The following CEP164 variants were observed in gnomAD, a reference collection of about 807,000 sequenced individuals.
The protein encoded by CEP164 is centrosomal protein of 164 kDa.
Under a neutral mutation model 182.7 loss-of-function variants are expected in CEP164, and 162 were observed. The ratio of observed to expected loss-of-function variants is 0.89; its 90% confidence interval spans 0.78 to 1.01. CEP164 has a LOEUF of 1.01. CEP164 is among the 50% of genes least tolerant of loss of function. CEP164 has a pLI of 0.00. For missense variants in CEP164, 1,735 were observed against 1,790.4 expected (o/e 0.97, Z 0.56); for synonymous variants, 661 against 690.0 (o/e 0.96, Z 0.66).
rs1444453508 is a variant in CEP164 at position 117,394,384 on chromosome 11, T to G, written c.2651T>G (p.Leu884Arg). ...RKQRAELLGH[L>R]TGELERLQRA... ...CAGCGGGCTGAGCTTCTGGGGCACCTGACCGGAGAGCTGGAGCGCCTGCAG... is the reference window on the plus strand; with the variant it reads ...CAGCGGGCTGAGCTTCTGGGGCACCGGACCGGAGAGCTGGAGCGCCTGCAG... The change falls in exon 21 of 33, where the codon CTG (leucine) becomes CGG (arginine). Residue 884 changes from leucine to arginine, a missense_variant. Coordinates refer to ENST00000278935, the MANE Select transcript of CEP164 (RefSeq NM_014956.5). This position sits in a 1 kb window ranked among gnomAD's most constrained non-coding sequence, Gnocchi z 4.0. The G allele has an allele frequency of 3.1e-6, 5 of 1,609,930 alleles. No homozygotes were observed. Among genetic ancestry groups the G allele is most frequent in the African/African-American group, 1.3e-5 (1 of 74,908 alleles).
intron 5 of CEP164, chr11:117,355,651 C>A: frequency 1.7e-6 from 2 of 1,191,748 alleles, no homozygotes; most frequent in Non-Finnish European, 2.1e-6. Context: ...AAGACCTGAG[C>A]TGGCAGGGAG....
chr11:117,412,160 C>A lies in CEP164; in HGVS notation c.4375C>A (p.Arg1459Ser). 6.2e-7 allele frequency: 1 copy of A among 1,614,002 alleles called. No individual in the cohort carries two copies. Among genetic ancestry groups the A allele is most frequent in the South Asian group, 1.1e-5 (1 of 91,052 alleles). Residue 1459 changes from arginine to serine, a missense_variant, in exon 33 of 33, where the codon CGC becomes AGC. Arg to Ser is a moderately radical substitution (Grantham distance 110). Transcript: ENST00000278935. ...TGAGCACAACAGAGTGAAGGTGTATCGCTTCTGAGGCCCTGAGCAGGGGCT... is the reference window on the plus strand; with the variant it reads ...TGAGCACAACAGAGTGAAGGTGTATAGCTTCTGAGGCCCTGAGCAGGGGCT... The part of the protein sequence containing the change: ...LDEHNRVKVY[R>S]F
intron 1 of CEP164, among the ~76,000 whole-genome samples, chr11:117,334,849 A>G (rs1010175024): frequency 1.3e-5 from 2 of 151,452 alleles, no homozygotes; most frequent in Admixed American, 6.6e-5. Flanking sequence ...TCTTGTTGCC[A>G]TGTGGACAGA....
At chr11:117,387,951 G>A (rs1043791269) in intron 15 of CEP164, among the ~76,000 whole-genome samples, 4 of 152,314 alleles carry the variant, frequency 2.6e-5, no homozygotes, top group Admixed American at 1.3e-4. Flanking sequence ...TGAGTCCAGC[G>A]CAGGAAGCAC....
intron 9 of CEP164, among the ~76,000 whole-genome samples, chr11:117,373,361 C>T (rs943922597): frequency 1.1e-4 from 17 of 148,002 alleles, no homozygotes; most frequent in South Asian, 4.3e-4. Context: ...GACTCCATCT[C>T]GGAAAAAAAA....
Position 117,374,164 on chromosome 11 carries a change from T to C in CEP164, c.1233+333T>C, listed in dbSNP as rs201294167. ...GCCTGTGTGATCATGTGAGTTACCA[T>C]GAGCCTAGGAGGTTAGAGACTGGTG... On this transcript the variant is annotated intron_variant, in intron 10 of 32. Transcript: ENST00000278935. 3.9e-5 allele frequency among the ~76,000 whole-genome samples: 6 copies of C among 152,276 alleles called. No homozygotes were observed. In the East Asian group the frequency reaches 9.6e-4, roughly 24 times the overall value.
intron 5 of CEP164, among the ~76,000 whole-genome samples, chr11:117,361,292 G>C (rs2040936117): frequency 7.2e-6 from 1 of 138,120 alleles, no homozygotes; most frequent in African/African-American, 2.8e-5. Flanking sequence ...CCTGGCTGAA[G>C]GGCGGTGGCG....
At chr11:117,406,152 CTAAAA>C (rs1317336788) in intron 27 of CEP164, among the ~76,000 whole-genome samples, 1 of 152,154 alleles carries the variant, frequency 6.6e-6, no homozygotes, top group Non-Finnish European at 1.5e-5. Context: ...AAAGACGTAC[CTAAAA>C]CTGGGAAGAA....
intron 1 of CEP164, among the ~76,000 whole-genome samples, chr11:117,329,844 T>TTG (rs1032460676): frequency 6.8e-6 from 1 of 147,878 alleles, no homozygotes; most frequent in African/African-American, 2.5e-5. Flanking sequence ...CTGGCCTTTT[T>TTG]TTTTTTTTTT....
chr11:117,393,856 G>T (rs2045058631), intron 20 of CEP164, among the ~76,000 whole-genome samples: 1 of 152,234 alleles, frequency 6.6e-6, no homozygotes, highest in South Asian at 2.1e-4. Flanking sequence ...CAATGGGTGG[G>T]TAGAGGGTGG....
Position 117,363,483 on chromosome 11 carries a change from C to CG in CEP164, c.742_743insG (p.Leu248ArgfsTer4). The CG allele has an allele frequency of 1.5e-5, 24 of 1,613,924 alleles. No homozygotes were observed. The highest frequency in any genetic ancestry group is 2.0e-5 in the Non-Finnish European group (24 of 1,179,814). ...GAACCTACACCTGGACATTGGGGCA[C>CG]TGGGGGGTGACTTTGAGTATGAGGT... On this transcript the variant is annotated frameshift_variant, in exon 8 of 33. Coordinates refer to ENST00000278935, the MANE Select transcript of CEP164 (RefSeq NM_014956.5). LOFTEE classifies it high-confidence loss of function.
chr11:117,336,678 C>T (rs1033827040), intron 2 of CEP164: 21 of 851,124 alleles, frequency 2.5e-5, no homozygotes, highest in East Asian at 7.4e-5. Context: ...GGGCTTGATG[C>T]GTTCTACCAG....
At chr11:117,404,462 C>T (rs2046456696) in intron 27 of CEP164, among the ~76,000 whole-genome samples, 1 of 152,212 alleles carries the variant, frequency 6.6e-6, no homozygotes, top group Non-Finnish European at 1.5e-5. Context: ...ACCCTATTTG[C>T]TTGGATATCA....
chr11:117,334,063 C>T (rs571356341), intron 1 of CEP164, among the ~76,000 whole-genome samples: 1 of 152,310 alleles, frequency 6.6e-6, no homozygotes, highest in East Asian at 1.9e-4. Flanking sequence ...TCCTTCAGAG[C>T]ACTTCCCTCG....
At chr11:117,380,075 G>A (rs1279625956) in intron 11 of CEP164, among the ~76,000 whole-genome samples, 2 of 151,918 alleles carry the variant, frequency 1.3e-5, no homozygotes, top group Non-Finnish European at 2.9e-5. Flanking sequence ...GCCAGGTGGT[G>A]CCCTTTTTGT....
chr11:117,364,442 T>A (rs1394146890), intron 8 of CEP164, among the ~76,000 whole-genome samples: 1 of 152,218 alleles, frequency 6.6e-6, no homozygotes, highest in Middle Eastern at 3.2e-3. Flanking sequence ...GAAATCACTT[T>A]ACCTTAAGAG....
At chr11:117,330,440 G>T (rs1009391437) in intron 1 of CEP164, among the ~76,000 whole-genome samples, 9 of 152,308 alleles carry the variant, frequency 5.9e-5, no homozygotes, top group Non-Finnish European at 8.8e-5. Flanking sequence ...ATCACCTGAG[G>T]TCAGGAGTTC....
chr11:117,397,167 CA>C lies in CEP164; in HGVS notation c.3356del (p.Gln1119ArgfsTer13). 1.2e-6 allele frequency: 2 copies of C among 1,614,150 alleles called. No individual in the cohort carries two copies. The highest frequency in any genetic ancestry group is 1.7e-6 in the Non-Finnish European group (2 of 1,179,978). On this transcript the variant is annotated frameshift_variant, in exon 27 of 33. Coordinates refer to ENST00000278935, the MANE Select transcript of CEP164 (RefSeq NM_014956.5). LOFTEE classifies it high-confidence loss of function. Reference protein sequence around the residue: ...ALRSAKEFLVQQTRSMRRRQT... With the variant: ...ALRSAKEFLVXQTRSMRRRQT... ...CCGTAGTGCCAAGGAGTTCCTTGTG[CA>C]GCAGACACGCTCCATGCGGAGGCGG...
In CEP164 at chr11:117,408,044, T is replaced by C; in HGVS notation, c.3609+12T>C. Reference sequence around the variant, plus strand: ...CTCTTTGGGAAGAGGTGCAGCCCCATGTCCACATAGTCCAGTGGGCCCTGG... The same window carrying C: ...CTCTTTGGGAAGAGGTGCAGCCCCACGTCCACATAGTCCAGTGGGCCCTGG... On this transcript the variant is annotated intron_variant, in intron 28 of 32. Transcript: ENST00000278935. 2 of 1,558,110 alleles carry C rather than the reference T, an allele frequency of 1.3e-6. No homozygotes were observed. The highest frequency in any genetic ancestry group is 1.7e-6 in the Non-Finnish European group (2 of 1,145,570).
Sources: gnomAD v4.1 joint callset for allele counts (sites outside exome capture counted in the v4.1 genomes callset) on GRCh38, gnomAD v4.1.1 for gene constraint, Gnocchi (gnomAD v3.1) non-coding constraint, MANE v1.5 for transcripts, NCBI Gene and HGNC (gene_info 2026-07-23, HGNC 2026-07-21) for gene names.